Variants in THADA observed in about 807,000 individuals in gnomAD.
THADA encodes the protein THADA armadillo repeat containing, also known as tRNA (32-2'-O)-methyltransferase regulator THADA.
In THADA, 213 loss-of-function variants were observed where a neutral mutation model predicts 219.8. The observed-to-expected ratio is 0.97, with a 90% confidence interval of 0.87 to 1.09. The LOEUF is 1.09. Ranked by LOEUF, THADA falls within the 50% of genes least tolerant of loss-of-function variation. THADA has a pLI of 0.00. For synonymous variants in THADA, 1,018 were observed against 828.9 expected (o/e 1.23, Z -3.92); for missense variants, 2,956 against 2,311.3 (o/e 1.28, Z -5.72).
chr2:43,587,886 A>T, intron 4 of THADA, among the ~76,000 whole-genome samples: 1 of 152,194 alleles, frequency 6.6e-6, no homozygotes, highest in East Asian at 1.9e-4. Context: ...TAAACATATC[A>T]ATTTTGCCTC....
At chr2:43,273,268 AAC>A (rs1174404713) in intron 36 of THADA, among the ~76,000 whole-genome samples, 4 of 144,702 alleles carry the variant, frequency 2.8e-5, no homozygotes, top group Non-Finnish European at 4.5e-5. Flanking sequence ...CAACAACAAC[AAC>A]AAAAAAAAAA....
chr2:43,274,998 C>CTTTTTTTTT (rs1002469067), intron 36 of THADA, among the ~76,000 whole-genome samples: 2 of 66,296 alleles, frequency 3.0e-5, no homozygotes, highest in Non-Finnish European at 6.7e-5. Context: ...CTTTTCTTTT[C>CTTTTTTTTT]TTTTTTTTTT....
At chr2:43,367,484 A>G (rs948253538) in intron 29 of THADA, among the ~76,000 whole-genome samples, 1 of 152,216 alleles carries the variant, frequency 6.6e-6, no homozygotes, top group African/African-American at 2.4e-5. Context: ...TTGTGGGTGA[A>G]CTACACGTTT....
intron 29 of THADA, among the ~76,000 whole-genome samples, chr2:43,372,783 T>C (rs2104627429): frequency 6.6e-6 from 1 of 152,338 alleles, no homozygotes; most frequent in Non-Finnish European, 1.5e-5. Flanking sequence ...AGATTCTCAC[T>C]CTGTCACTTA....
intron 36 of THADA, among the ~76,000 whole-genome samples, chr2:43,261,225 T>TC (rs1382401656): frequency 8.0e-6 from 1 of 125,116 alleles, no homozygotes; most frequent in Non-Finnish European, 1.8e-5. Context: ...TCTTTTTTTT[T>TC]TTTTTTTTTT....
At chr2:43,300,986 C>T (rs1408037079) in intron 31 of THADA, among the ~76,000 whole-genome samples, 1 of 152,168 alleles carries the variant, frequency 6.6e-6, no homozygotes, top group East Asian at 1.9e-4. Flanking sequence ...TTTTAAAAAC[C>T]ACTGCCCTCA....
chr2:43,422,005 T>C (rs567144217), intron 28 of THADA, among the ~76,000 whole-genome samples: 1 of 152,280 alleles, frequency 6.6e-6, no homozygotes, highest in South Asian at 2.1e-4. Context: ...CACAGCTGAG[T>C]TGTTCACCTA....
At chr2:43,426,957 C>T (rs1327857080) in intron 28 of THADA, among the ~76,000 whole-genome samples, 1 of 152,126 alleles carries the variant, frequency 6.6e-6, no homozygotes, top group African/African-American at 2.4e-5. Flanking sequence ...CATATTTAGG[C>T]CTTTGATCCA....
chr2:43,439,255 G>A (rs1680538348), intron 26 of THADA, among the ~76,000 whole-genome samples: 1 of 151,578 alleles, frequency 6.6e-6, no homozygotes. Flanking sequence ...TAGATCTATA[G>A]AGAGATCTTG....
At chr2:43,547,946 T>G (rs1210401842) in intron 20 of THADA, among the ~76,000 whole-genome samples, 1 of 152,210 alleles carries the variant, frequency 6.6e-6, no homozygotes, top group Non-Finnish European at 1.5e-5. Flanking sequence ...GCACCCTGCT[T>G]TTTAGAGTTT....
At chr2:43,369,778 C>T (rs113431087) in intron 29 of THADA, among the ~76,000 whole-genome samples, 268 of 152,284 alleles carry the variant, frequency 1.8e-3, no homozygotes, top group African/African-American at 6.3e-3. Context: ...GTCCTAACAA[C>T]CAGAGATCTG....
At chr2:43,303,227 G>A (rs928672661) in intron 31 of THADA, among the ~76,000 whole-genome samples, 3 of 152,166 alleles carry the variant, frequency 2.0e-5, no homozygotes, top group Non-Finnish European at 4.4e-5. Context: ...AATTCCTTTG[G>A]TAATATCAGA....
At chr2:43,465,418 C>T (rs1684117376) in intron 26 of THADA, among the ~76,000 whole-genome samples, 1 of 152,190 alleles carries the variant, frequency 6.6e-6, no homozygotes, top group Non-Finnish European at 1.5e-5. Context: ...TCTCACACAG[C>T]TCTCCTTAGA....
rs1231541779 is a variant in THADA at position 43,378,424 on chromosome 2, C to T, written c.4227+19547G>A. On this transcript the variant is annotated intron_variant, in intron 29 of 37. Transcript: ENST00000405975. The stretch of plus-strand genomic sequence containing the variant: ...ATTAGTTCATATTAAAGGACTTCAC[C>T]AAGTCTTGAGTATAGTTAATATAAC... 2.6e-5 allele frequency among the ~76,000 whole-genome samples: 4 copies of T among 152,122 alleles called. 1 individual carries two copies. Among genetic ancestry groups the T allele is most frequent in the African/African-American group, 9.6e-5 (4 of 41,502 alleles).
chr2:43,560,748 G>A (rs775864786), intron 15 of THADA, among the ~76,000 whole-genome samples: 11 of 152,010 alleles, frequency 7.2e-5, no homozygotes, highest in East Asian at 1.9e-4. Context: ...CAGGCTCAGC[G>A]GCTCACACCT....
chr2:43,466,884 G>C (rs889668073), intron 26 of THADA, among the ~76,000 whole-genome samples: 2 of 151,878 alleles, frequency 1.3e-5, no homozygotes, highest in African/African-American at 4.8e-5. Flanking sequence ...AAGAGGATGT[G>C]ATTAAACACC....
At chr2:43,362,530 C>G (rs1669650636) in intron 29 of THADA, among the ~76,000 whole-genome samples, 1 of 151,982 alleles carries the variant, frequency 6.6e-6, no homozygotes, top group African/African-American at 2.4e-5. Context: ...AAACGGTGCA[C>G]CTGTATAGAG....
intron 31 of THADA, among the ~76,000 whole-genome samples, chr2:43,298,459 G>A (rs1488556914): frequency 7.5e-6 from 1 of 133,300 alleles, no homozygotes; most frequent in Non-Finnish European, 1.6e-5. Context: ...CACAAACACT[G>A]CGGAAGGCCG....
At chr2:43,440,450 C>A (rs1290071641) in intron 26 of THADA, among the ~76,000 whole-genome samples, 1 of 152,148 alleles carries the variant, frequency 6.6e-6, no homozygotes, top group Admixed American at 6.5e-5. Context: ...CTGTTTTACA[C>A]AGGGAGAAAG....
Sources: gnomAD v4.1 joint callset for allele counts (sites outside exome capture counted in the v4.1 genomes callset) on GRCh38, gnomAD v4.1.1 for gene constraint, MANE v1.5 for transcripts, NCBI Gene and HGNC (gene_info 2026-07-23, HGNC 2026-07-21) for gene names.